REV1: variants seen among roughly 807,000 people sequenced by gnomAD.
The protein encoded by REV1 is REV1 DNA directed polymerase.
In REV1, 42 loss-of-function variants were observed where a neutral mutation model predicts 137.4. The ratio of observed to expected loss-of-function variants is 0.31; its 90% CI spans 0.24 to 0.40. The LOEUF (loss-of-function observed/expected upper bound fraction) is 0.40. Among genes scored for constraint, REV1 ranks in the 10% least tolerant of loss-of-function variants. The pLI is 1.00. For missense variants in REV1, 1,282 were observed against 1,490.1 expected, an observed-to-expected ratio of 0.86 and a Z score of 2.30; for synonymous variants, 524 against 519.2, an observed-to-expected ratio of 1.01 and a Z score of -0.12.
At chr2:99,403,507 A>T (rs1311037334) in intron 19 of REV1, 188 bp downstream of exon 19, 1 of 759,958 alleles carries the variant, frequency 1.3e-6, no homozygotes, top group Non-Finnish European at 2.1e-6. Flanking sequence ...TCCTGAAAGT[A>T]CAGACACAAA....
At chr2:99,455,891 C>A (rs1236563314) in intron 3 of REV1, among the ~76,000 whole-genome samples, 2 of 152,138 alleles carry the variant, frequency 1.3e-5, no homozygotes, top group African/African-American at 4.8e-5. Flanking sequence ...TCCGGGCCCC[C>A]CTCCACCTGC....
chr2:99,464,316 T>C (rs1179152476), intron 2 of REV1, among the ~76,000 whole-genome samples: 1 of 152,206 alleles, frequency 6.6e-6, no homozygotes, highest in African/African-American at 2.4e-5. Context: ...GACTGCATTA[T>C]TTTTGCTGAT....
At chr2:99,431,948 A>G in intron 8 of REV1, 1 of 952,646 alleles carries the variant, frequency 1.0e-6, no homozygotes, top group Non-Finnish European at 1.3e-6. Flanking sequence ...AGTCTGTGAA[A>G]AAGAAATCGC....
chr2:99,407,199 C>T (rs1324458373), intron 15 of REV1, among the ~76,000 whole-genome samples: 2 of 144,596 alleles, frequency 1.4e-5, no homozygotes, highest in African/African-American at 2.6e-5. Context: ...AGTGATTCTC[C>T]TGCCTCAGCC....
At chr2:99,419,665 TG>T (rs1432805723) in intron 11 of REV1, among the ~76,000 whole-genome samples, 2 of 151,824 alleles carry the variant, frequency 1.3e-5, no homozygotes, top group Non-Finnish European at 2.9e-5. Context: ...AAAGCAGCAG[TG>T]GGAACTGAGG....
At chr2:99,484,095 G>A (rs1254744995) in intron 1 of REV1, among the ~76,000 whole-genome samples, 3 of 152,076 alleles carry the variant, frequency 2.0e-5, no homozygotes, top group Non-Finnish European at 4.4e-5. Context: ...TCCTATGTAG[G>A]CTATTATCCT....
chr2:99,490,130 C>T (rs1186038133), upstream of REV1: 1 of 150,234 alleles, frequency 6.7e-6, no homozygotes, highest in Non-Finnish European at 1.5e-5. Context: ...GCGCTCTGCT[C>T]CCCCCGGCCC....
At chr2:99,475,734 C>T (rs1020493775) in intron 1 of REV1, among the ~76,000 whole-genome samples, 3 of 152,090 alleles carry the variant, frequency 2.0e-5, no homozygotes, top group Admixed American at 6.5e-5. Flanking sequence ...CCTGTACTCC[C>T]AGCACTTTGG....
chr2:99,453,876 G>A (rs1420816784), intron 3 of REV1, among the ~76,000 whole-genome samples: 1 of 112,608 alleles, frequency 8.9e-6, no homozygotes, highest in African/African-American at 3.6e-5. Flanking sequence ...CTGGGTGACA[G>A]AGTAAGGCTC....
intron 1 of REV1, among the ~76,000 whole-genome samples, chr2:99,483,316 T>A (rs1686815362): frequency 6.6e-6 from 1 of 152,208 alleles, no homozygotes; most frequent in African/African-American, 2.4e-5. Flanking sequence ...GTAGAAATGA[T>A]GGAGCTTAGA....
intron 13 of REV1, among the ~76,000 whole-genome samples, chr2:99,411,412 T>C (rs1429554996): frequency 9.9e-6 from 1 of 101,288 alleles, no homozygotes; most frequent in African/African-American, 3.6e-5. Context: ...CTTTCTTTCC[T>C]TTTTTTTTTT....
At chr2:99,474,259 C>A (rs530675593) in intron 1 of REV1, among the ~76,000 whole-genome samples, 1 of 152,270 alleles carries the variant, frequency 6.6e-6, no homozygotes, top group South Asian at 2.1e-4. Context: ...AGTGAGTCAG[C>A]CAAGTCCTAT....
chr2:99,478,897 T>C (rs1471099134), intron 1 of REV1, among the ~76,000 whole-genome samples: 1 of 151,940 alleles, frequency 6.6e-6, no homozygotes, highest in Non-Finnish European at 1.5e-5. Context: ...TCTATAGTGG[T>C]GATAATAGAG....
chr2:99,424,816 C>G, intron 9 of REV1: 2 of 1,304,228 alleles, frequency 1.5e-6, no homozygotes, highest in Non-Finnish European at 2.0e-6. Context: ...TGAAGTGGCT[C>G]CACAGTGGTT....
chr2:99,438,565 C>T (rs1435983493), intron 6 of REV1, 36 bp downstream of exon 6: 1 of 1,489,422 alleles, frequency 6.7e-7, no homozygotes, highest in Non-Finnish European at 9.3e-7. Flanking sequence ...TCAAGCATGA[C>T]TGTTTCTTAA....
At chr2:99,467,581 C>T (rs969357400) in intron 1 of REV1, among the ~76,000 whole-genome samples, 1 of 152,122 alleles carries the variant, frequency 6.6e-6, no homozygotes, top group Non-Finnish European at 1.5e-5. Context: ...GGAGACTGGG[C>T]AAAGTTTCTG....
At chr2:99,468,396 T>C (rs561056850) in intron 1 of REV1, among the ~76,000 whole-genome samples, 1 of 152,264 alleles carries the variant, frequency 6.6e-6, no homozygotes, top group African/African-American at 2.4e-5. Context: ...TTGACAGAAA[T>C]ATCCTTCAGA....
intron 7 of REV1, among the ~76,000 whole-genome samples, chr2:99,434,659 T>A (rs1680511909): frequency 6.6e-6 from 1 of 152,224 alleles, no homozygotes; most frequent in Non-Finnish European, 1.5e-5. Context: ...AAGCCAATTA[T>A]TTGTGACCAT....
intron 9 of REV1, among the ~76,000 whole-genome samples, chr2:99,427,536 A>G (rs901523582): frequency 6.6e-6 from 1 of 152,196 alleles, no homozygotes; most frequent in African/African-American, 2.4e-5. Flanking sequence ...GTATAGTGAA[A>G]ACTCACCAGT....
Sources: allele counts gnomAD v4.1 joint callset (sites outside exome capture counted in the v4.1 genomes callset), GRCh38; gene constraint gnomAD v4.1.1; transcripts MANE v1.5; gene names NCBI Gene and HGNC (gene_info 2026-07-23, HGNC 2026-07-21).